Variants in THOC1 observed in about 807,000 individuals in gnomAD.
The protein encoded by THOC1 is THO complex 1.
Under a neutral mutation model 97.3 loss-of-function variants are expected in THOC1, and 29 were observed. That is an observed-to-expected ratio of 0.30 (90% CI 0.22 to 0.41). THOC1 has a LOEUF of 0.41. Ranked by LOEUF, THOC1 falls within the 10% of genes least tolerant of loss-of-function variation. The probability of loss-of-function intolerance (pLI) is 1.00; values close to 1 mark genes in which losing one functional copy is unlikely to be tolerated. For synonymous variants in THOC1, 255 were observed against 257.0 expected, an observed-to-expected ratio of 0.99 and a Z score of 0.07; for missense variants, 529 against 761.9, an observed-to-expected ratio of 0.69 and a Z score of 3.60.
chr18:239,810 A>C (rs1256097305), intron 11 of THOC1, among the ~76,000 whole-genome samples: 1 of 152,210 alleles, frequency 6.6e-6, no homozygotes, highest in Non-Finnish European at 1.5e-5. Flanking sequence ...ACTAATAAAC[A>C]CTTGTATATA....
chr18:217,904 A>AC (rs1379306085), intron 18 of THOC1, among the ~76,000 whole-genome samples: 1 of 152,208 alleles, frequency 6.6e-6, no homozygotes, highest in Non-Finnish European at 1.5e-5. Context: ...GCATGGCCAC[A>AC]CAGGAGAGTA....
chr18:237,363 G>T (rs1911744250), intron 11 of THOC1, among the ~76,000 whole-genome samples: 1 of 151,860 alleles, frequency 6.6e-6, no homozygotes, highest in Non-Finnish European at 1.5e-5. Context: ...CACTATGTTG[G>T]CCAGGCTGAT....
chr18:234,831 T>C (rs1911618113), intron 11 of THOC1, among the ~76,000 whole-genome samples: 1 of 152,216 alleles, frequency 6.6e-6, no homozygotes, highest in South Asian at 2.1e-4. Flanking sequence ...AAACATTCTA[T>C]TTATATGTGA....
chr18:225,076 A>T lies in THOC1; in HGVS notation c.1137+13T>A, dbSNP rs1911234458. The T allele has an allele frequency of 6.4e-7, 1 of 1,572,184 alleles. No individual in the cohort carries two copies. The highest frequency in any genetic ancestry group is 1.3e-5 in the African/African-American group (1 of 74,106). ...CGTGCTAAGAAGAGGATGTAAGCAT[A>T]AAAAACACATACCTCTACCATCTTT... On this transcript the variant is annotated intron_variant, in intron 14 of 20. Coordinates refer to ENST00000261600, the MANE Select transcript of THOC1 (RefSeq NM_005131.3).
chr18:255,086 C>CG (rs1441108290), intron 7 of THOC1, among the ~76,000 whole-genome samples: 21 of 152,238 alleles, frequency 1.4e-4, no homozygotes, highest in Admixed American at 7.2e-4. Context: ...ACTGCTTCAC[C>CG]GACCAACCGT....
intron 7 of THOC1, among the ~76,000 whole-genome samples, chr18:258,613 C>G (rs1912506910): frequency 6.6e-6 from 1 of 151,894 alleles, no homozygotes. Context: ...GTACATTAGC[C>G]CAATATTAAG....
intron 19 of THOC1, 106 bp from the exon 20 acceptor site, chr18:215,610 C>T: frequency 1.2e-6 from 1 of 832,534 alleles, no homozygotes; most frequent in Non-Finnish European, 2.0e-6. Flanking sequence ...GTACAGGGTG[C>T]CAGAACCTCA....
At position 223,519 on chromosome 18, in the gene THOC1, A is replaced by G. The variant is rs892770979; in HGVS notation, c.1305-14T>C. On this transcript the variant is annotated splice_polypyrimidine_tract_variant and intron_variant, in intron 16 of 20. Transcript: ENST00000261600. Reference sequence around the variant, plus strand: ...GTTAACTCCTCACTACAAAATAGACACAGAAATAAATACATTTTTTATGGA... The same window carrying G: ...GTTAACTCCTCACTACAAAATAGACGCAGAAATAAATACATTTTTTATGGA... The G allele has an allele frequency of 1.3e-6, 2 of 1,548,584 alleles. No individual in the cohort carries two copies. Among genetic ancestry groups the G allele is most frequent in the South Asian group, 2.4e-5 (2 of 83,588 alleles).
At chr18:236,491 GA>G (rs34712826) in intron 11 of THOC1, among the ~76,000 whole-genome samples, 90,537 of 145,944 alleles carry the variant, frequency 0.62, 27,757 homozygotes, top group South Asian at 0.76. Flanking sequence ...GAGTAGCTGG[GA>G]ACTACAGGCG....
Position 214,883 on chromosome 18 carries a change from G to A in THOC1, c.1717C>T (p.Gln573Ter). 1 of 1,613,890 alleles carries A rather than the reference G, an allele frequency of 6.2e-7. No homozygotes were observed. Among genetic ancestry groups the A allele is most frequent in the Non-Finnish European group, 8.5e-7 (1 of 1,179,860 alleles). Residue 573 changes from glutamine to a stop codon, truncating the protein, a stop_gained, in exon 21 of 21, where the codon CAA becomes TAA. Transcript: ENST00000261600. LOFTEE classifies it high-confidence loss of function. Reference protein sequence around the residue: ...VRRDKPVTGEQIEVFANKLGE... With the variant: ...VRRDKPVTGE ...AGCTTGTTGGCAAATACCTCTATTT[G>A]TTCTCCTGTTACAGGTTTGTCTCGC...
chr18:240,197 G>A (rs1219571279), intron 11 of THOC1, among the ~76,000 whole-genome samples: 1 of 152,126 alleles, frequency 6.6e-6, no homozygotes, highest in African/African-American at 2.4e-5. Context: ...AGTCTCCTCT[G>A]CTAAGCCTTT....
intron 20 of THOC1, 43 bp downstream of exon 20, chr18:215,386 C>A (rs771543958): frequency 2.7e-6 from 4 of 1,474,440 alleles, no homozygotes; most frequent in Non-Finnish European, 3.8e-6. Context: ...GAACCCCAAT[C>A]GTCTTCAATT....
chr18:227,650 G>A (rs866586834), intron 11 of THOC1, among the ~76,000 whole-genome samples: 3 of 152,088 alleles, frequency 2.0e-5, no homozygotes, highest in Non-Finnish European at 4.4e-5. Flanking sequence ...AATAACCTGC[G>A]GCGATGAAGG....
chr18:265,311 C>T lies in THOC1; in HGVS notation c.181G>A (p.Glu61Lys). ...TGGAAAAACATACTTACAATTTCTT[C>T]TTCTAGAATACCTCTGAAAGCTTGG... ...LDQAFRGILE[E>K]EIINHSSCEN... The change falls in exon 3 of 21, where the codon GAA (glutamate) becomes AAA (lysine). Residue 61 changes from glutamate (E) to lysine (K), a missense_variant. Around this residue, in one of 8 missense-constraint regions of THOC1, gnomAD observed 114 missense variants for 97.4 expected, o/e 1.17. Transcript: ENST00000261600. 6.3e-7 allele frequency: 1 copy of T among 1,592,468 alleles called. No individual in the cohort carries two copies. Among genetic ancestry groups the T allele is most frequent in the South Asian group, 1.2e-5 (1 of 85,994 alleles).
chr18:248,140 A>G (rs1332358178), intron 9 of THOC1, among the ~76,000 whole-genome samples, 183 bp from the exon 10 acceptor site: 1 of 152,146 alleles, frequency 6.6e-6, no homozygotes, highest in Non-Finnish European at 1.5e-5. Flanking sequence ...ATAGACCCCA[A>G]TAGACTCTTT....
intron 3 of THOC1, among the ~76,000 whole-genome samples, chr18:264,434 G>A (rs1199743068): frequency 1.3e-5 from 2 of 152,196 alleles, no homozygotes; most frequent in African/African-American, 4.8e-5. Flanking sequence ...AGGGCTATGA[G>A]AATTAACTAC....
At chr18:228,854 CTGTT>C (rs1911386985) in intron 11 of THOC1, among the ~76,000 whole-genome samples, 5 of 152,310 alleles carry the variant, frequency 3.3e-5, no homozygotes, top group Non-Finnish European at 7.4e-5. Context: ...CCTTAAACAT[CTGTT>C]TTTAATCAGC....
intron 9 of THOC1, among the ~76,000 whole-genome samples, chr18:249,046 G>A (rs982510831): frequency 6.6e-6 from 1 of 151,980 alleles, no homozygotes; most frequent in Non-Finnish European, 1.5e-5. Context: ...CACTGCACCC[G>A]GCCTATTCTT....
Position 215,589 on chromosome 18 carries a change from T to A in THOC1, c.1603-85A>T. 2.7e-6 allele frequency: 3 copies of A among 1,106,336 alleles called. No individual in the cohort carries two copies. In the East Asian group the frequency reaches 7.3e-5, roughly 27 times the overall value. The allele number at this position is 1,106,336 out of a possible 1,614,324, so 68.5% of individuals were successfully genotyped here. A position where few individuals can be genotyped will look rare whatever the true frequency, so the allele number is the denominator to read the frequency against. On this transcript the variant is annotated intron_variant, in intron 19 of 20. Transcript: ENST00000261600. ...TATTTTGTTTGGATAAGGACGGTTG[T>A]GAGATTCCAAGTACAGGGTGCCAGA...
Sources: gnomAD v4.1 joint callset for allele counts (sites outside exome capture counted in the v4.1 genomes callset) on GRCh38, gnomAD v4.1.1 for gene constraint, gnomAD v4.1.1 regional missense constraint, MANE v1.5 for transcripts, NCBI Gene and HGNC (gene_info 2026-07-23, HGNC 2026-07-21) for gene names.